Variants in SVEP1 observed in about 807,000 individuals in gnomAD.
The protein encoded by SVEP1 is sushi, von Willebrand factor type A, EGF and pentraxin domain-containing protein 1.
A neutral mutation model predicts 367.3 loss-of-function variants in SVEP1; 164 were observed. That is an observed-to-expected ratio of 0.45 (90% CI 0.39 to 0.51). The LOEUF is 0.51. Among genes scored for constraint, SVEP1 ranks in the 20% least tolerant of loss-of-function variants. The pLI is 0.00. For synonymous variants in SVEP1, 1,666 were observed against 1,611.6 expected (o/e 1.03, Z -0.81); for missense variants, 4,117 against 4,425.3 (o/e 0.93, Z 1.98).
chr9:110,396,333 G>A (rs1176997529), intron 40 of SVEP1, among the ~76,000 whole-genome samples: 1 of 151,876 alleles, frequency 6.6e-6, no homozygotes, highest in African/African-American at 2.4e-5. Flanking sequence ...AGAATCTCTG[G>A]GACACATTCA....
intron 17 of SVEP1, among the ~76,000 whole-genome samples, chr9:110,466,460 T>C (rs1214928497): frequency 6.6e-6 from 1 of 152,106 alleles, no homozygotes; most frequent in Non-Finnish European, 1.5e-5. Flanking sequence ...AAATCTCTGC[T>C]TTAAAAAAGA....
In SVEP1 at chr9:110,406,982, C is replaced by T. The variant is rs767362511; in HGVS notation, c.8618G>A (p.Cys2873Tyr). Residue 2873 changes from cysteine to tyrosine, a missense_variant, in exon 38 of 48, where the codon TGT becomes TAT. Physicochemically the swap from Cys to Tyr is radical, Grantham distance 194. Transcript: ENST00000374469. ...TCCACTCCAACTTCCATTGGCAAGA[C>T]AAACCCGACTCCTGGCTCCCTCAAG... is the stretch of plus-strand genomic sequence containing the variant. ...FLLEGARSRV[C>Y]LANGSWSGAT... 2 of 1,613,978 alleles carry T rather than the reference C, an allele frequency of 1.2e-6. No individual in the cohort carries two copies. Among genetic ancestry groups the T allele is most frequent in the Non-Finnish European group, 1.7e-6 (2 of 1,179,886 alleles).
At chr9:110,553,472 C>G (rs2118858317) in intron 1 of SVEP1, among the ~76,000 whole-genome samples, 1 of 152,260 alleles carries the variant, frequency 6.6e-6, no homozygotes, top group Non-Finnish European at 1.5e-5. Flanking sequence ...TGATGAAACC[C>G]TGTGATATCT....
At position 110,434,459 on chromosome 9, in the gene SVEP1, C is replaced by T. The variant is rs1300285224; in HGVS notation, c.4936G>A (p.Glu1646Lys). ...ACTTTGGAACCTGGCTTTAAATCTT[C>T]AGATGCAGTTCTCAGATGAGGCACT... ...GSVPHLRTAS[E>K]DLKPGSKVNL... is the part of the protein sequence containing the mutation. The change falls in exon 30 of 48, where the codon GAA (glutamate) becomes AAA (lysine). Residue 1646 changes from glutamate to lysine, a missense_variant. By Grantham distance (56) the Glu-to-Lys change is moderately conservative. This residue lies in a region of SVEP1 where 2,174 missense variants were observed against 2,494.3 expected (regional missense o/e 0.87). Coordinates refer to ENST00000374469, the MANE Select transcript of SVEP1 (RefSeq NM_153366.4). The T allele has an allele frequency of 6.2e-7, 1 of 1,613,414 alleles. No homozygotes were observed. The highest frequency in any genetic ancestry group is 8.5e-7 in the Non-Finnish European group (1 of 1,179,714).
rs1007734260 is a variant in SVEP1 at position 110,431,955 on chromosome 9, T to A, written c.5313A>T (p.Ser1771=). 3 of 1,613,710 alleles carry A rather than the reference T, an allele frequency of 1.9e-6. No individual in the cohort carries two copies. Among genetic ancestry groups the A allele is most frequent in the Admixed American group, 1.7e-5 (1 of 59,996 alleles). The part of the protein sequence containing the change: ...CLNVDGSYIC[S]CVPPYTGDGK... Reference sequence around the variant, plus strand: ...CATCTCCTGTGTACGGTGGGACACATGAACATATGTAGGATCCATCTACGT... The same window carrying A: ...CATCTCCTGTGTACGGTGGGACACAAGAACATATGTAGGATCCATCTACGT... The change falls in exon 32 of 48, where the codon TCA becomes TCT. Residue 1771 remains serine (S), a synonymous_variant. Coordinates refer to ENST00000374469, the MANE Select transcript of SVEP1 (RefSeq NM_153366.4).
chr9:110,436,136 A>G (rs1828427829), intron 28 of SVEP1, among the ~76,000 whole-genome samples: 1 of 151,710 alleles, frequency 6.6e-6, no homozygotes, highest in South Asian at 2.1e-4. Flanking sequence ...TATTTTGCAA[A>G]ATCTAAAATA....
chr9:110,387,605 AAAAATATAGCATAC>A, intron 41 of SVEP1, 147 bp from the exon 42 acceptor site: 1 of 871,980 alleles, frequency 1.1e-6, no homozygotes, highest in Non-Finnish European at 1.7e-6. Context: ...ATTGAAGGAG[AAAAATATAGCATAC>A]CTAAGTATTG....
intron 36 of SVEP1, among the ~76,000 whole-genome samples, chr9:110,424,611 C>G (rs1440920767): frequency 6.6e-6 from 1 of 152,256 alleles, no homozygotes. Context: ...TTAACATGCA[C>G]TTTTATTTCA....
chr9:110,388,445 A>C (rs917892160), intron 41 of SVEP1, among the ~76,000 whole-genome samples: 5 of 152,050 alleles, frequency 3.3e-5, no homozygotes, highest in African/African-American at 1.2e-4. Context: ...ACCTTAGAGA[A>C]CCTGGGAAGC....
chr9:110,454,506 T>C (rs977233312), intron 22 of SVEP1, among the ~76,000 whole-genome samples: 2 of 152,194 alleles, frequency 1.3e-5, no homozygotes, highest in Non-Finnish European at 2.9e-5. Context: ...ACACATGCAC[T>C]TGTAAGTTCA....
At chr9:110,371,166 G>A (rs1310783680) in intron 46 of SVEP1, among the ~76,000 whole-genome samples, 2 of 152,122 alleles carry the variant, frequency 1.3e-5, no homozygotes, top group Non-Finnish European at 2.9e-5. Flanking sequence ...TAATGGGAAA[G>A]AAAATTATGA....
chr9:110,497,105 T>C (rs1829462573), intron 7 of SVEP1, among the ~76,000 whole-genome samples, 172 bp from the exon 8 acceptor site: 1 of 152,244 alleles, frequency 6.6e-6, no homozygotes, highest in Non-Finnish European at 1.5e-5. Context: ...TATCTCAGCA[T>C]GGCTTACGAG....
At chr9:110,541,032 T>C (rs924063459) in intron 3 of SVEP1, among the ~76,000 whole-genome samples, 8 of 152,182 alleles carry the variant, frequency 5.3e-5, no homozygotes, top group African/African-American at 1.7e-4. Context: ...CAAGGGTACC[T>C]GTGAGATAGC....
At position 110,512,956 on chromosome 9, in the gene SVEP1, A is replaced by G. The variant is rs1445653810; in HGVS notation, c.1273T>C (p.Leu425=). The change falls in exon 5 of 48, where the codon TTG becomes CTG. Residue 425 remains leucine, a synonymous_variant. Transcript: ENST00000374469. The stretch of plus-strand genomic sequence containing the variant: ...CAGTAGCTCTCTGAACCGGACCACA[A>G]ACCATTGGGTAGACATAAGATGATG... ...SSIILCLPNG[L]WSGSESYCRV... is the part of the protein sequence containing the mutation. 1 of 1,613,978 alleles carries G rather than the reference A, an allele frequency of 6.2e-7. No individual in the cohort carries two copies.
rs1827201342 is a variant in SVEP1 at position 110,366,483 on chromosome 9, GC to G, written c.*55del. ...TTTGCATAAGTTCCAGGATGCCCAGGCACTACCGAGGAGAGATGATCCTGCT... is the reference window on the plus strand; with the variant it reads ...TTTGCATAAGTTCCAGGATGCCCAGGACTACCGAGGAGAGATGATCCTGCT... On this transcript the variant is annotated 3_prime_UTR_variant, in exon 48 of 48. Transcript: ENST00000374469. 2 of 1,478,724 alleles carry G rather than the reference GC, an allele frequency of 1.4e-6. No homozygotes were observed. The highest frequency in any genetic ancestry group is 2.8e-5 in the African/African-American group (2 of 70,246). 91.6% of individuals were successfully genotyped at this position (1,478,724 alleles called of 1,614,324 possible). A position where few individuals can be genotyped will look rare whatever the true frequency, so the allele number is the denominator to read the frequency against.
intron 47 of SVEP1, 53 bp from the exon 48 acceptor site, chr9:110,366,613 G>T: frequency 6.7e-7 from 1 of 1,497,188 alleles, no homozygotes; most frequent in South Asian, 1.3e-5. Context: ...AAATTGAACT[G>T]AAGAGCTAAC....
intron 27 of SVEP1, 140 bp from the exon 28 acceptor site, chr9:110,436,644 T>G: frequency 8.0e-7 from 1 of 1,245,764 alleles, no homozygotes; most frequent in Non-Finnish European, 1.1e-6. Context: ...GTAAATTTAC[T>G]GCAGGTTTTA....
Position 110,404,447 on chromosome 9 carries a change from A to C in SVEP1, c.9546T>G (p.Pro3182=). 1 of 1,613,968 alleles carries C rather than the reference A, an allele frequency of 6.2e-7. No homozygotes were observed. Among genetic ancestry groups the C allele is most frequent in the Non-Finnish European group, 8.5e-7 (1 of 1,179,888 alleles). ...ERISCSPKKC[P]LPENITHILV... is the part of the protein sequence containing the mutation. ...GTATATGTGTTATGTTTTCCGGGAG[A>C]GGACATTTTTTAGGACTGCAGGAGA... Residue 3182 remains proline, a synonymous_variant, in exon 39 of 48, where the codon CCT becomes CCG. Transcript: ENST00000374469.
chr9:110,553,651 G>A (rs2118858682), intron 1 of SVEP1, among the ~76,000 whole-genome samples: 1 of 152,226 alleles, frequency 6.6e-6, no homozygotes, highest in African/African-American at 2.4e-5. Context: ...GTATTTCAAG[G>A]CCAAGGATGG....
Sources: allele counts gnomAD v4.1 joint callset (sites outside exome capture counted in the v4.1 genomes callset), GRCh38; gene constraint gnomAD v4.1.1; regional missense constraint gnomAD v4.1.1; transcripts MANE v1.5; gene names NCBI Gene and HGNC (gene_info 2026-07-23, HGNC 2026-07-21).